ATP8B1: variants seen among roughly 807,000 people sequenced by gnomAD.
The protein encoded by ATP8B1 is ATPase phospholipid transporting 8B1.
Under a neutral mutation model 149.9 loss-of-function variants are expected in ATP8B1, and 80 were observed. The observed-to-expected ratio is 0.53, with a 90% CI of 0.45 to 0.64. The LOEUF (loss-of-function observed/expected upper bound fraction) is 0.64. Among genes scored for constraint, ATP8B1 ranks in the 30% least tolerant of loss-of-function variants. The probability of loss-of-function intolerance (pLI) is 0.00; values close to 1 mark genes in which losing one functional copy is unlikely to be tolerated. For missense variants in ATP8B1, 1,247 were observed against 1,552.6 expected, an observed-to-expected ratio of 0.80 and a Z score of 3.31; for synonymous variants, 536 against 562.8, an observed-to-expected ratio of 0.95 and a Z score of 0.67.
In ATP8B1 at chr18:57,652,718, GTCAC is replaced by G; in HGVS notation, c.3023_3026del (p.Ser1008ThrfsTer3). ...ACCCAGGGAATCGGAGGCTCAGTTT[GTCAC>G]TCACATCCTTAAGGAGAAAACAAAA... On this transcript the variant is annotated frameshift_variant, in exon 25 of 28. Coordinates refer to ENST00000648908, the MANE Select transcript of ATP8B1 (RefSeq NM_001374385.1). LOFTEE classifies it high-confidence loss of function. The G allele has an allele frequency of 6.2e-7, 1 of 1,614,188 alleles. No individual in the cohort carries two copies. Among genetic ancestry groups the G allele is most frequent in the Non-Finnish European group, 8.5e-7 (1 of 1,180,022 alleles).
At chr18:57,701,636 A>C (rs1426496645) in intron 4 of ATP8B1, among the ~76,000 whole-genome samples, 1 of 152,036 alleles carries the variant, frequency 6.6e-6, no homozygotes, top group East Asian at 1.9e-4. Flanking sequence ...TGTGAAAATC[A>C]TATTTAACTG....
intron 1 of ATP8B1, among the ~76,000 whole-genome samples, chr18:57,746,624 T>C (rs148320688): frequency 1.3e-3 from 195 of 151,972 alleles, no homozygotes; most frequent in African/African-American, 4.1e-3. Context: ...TACAGGTCTA[T>C]GTCACCAAGC....
chr18:57,747,349 A>G (rs1438990588), intron 1 of ATP8B1, among the ~76,000 whole-genome samples: 1 of 151,842 alleles, frequency 6.6e-6, no homozygotes, highest in Non-Finnish European at 1.5e-5. Flanking sequence ...GCTACTTGGG[A>G]GGCTAAGGCA....
At chr18:57,729,009 C>T (rs1031775773) in intron 2 of ATP8B1, among the ~76,000 whole-genome samples, 8 of 151,916 alleles carry the variant, frequency 5.3e-5, no homozygotes, top group African/African-American at 7.3e-5. Context: ...CATGAGTCGC[C>T]GCACCCGGCC....
chr18:57,755,566 C>A (rs2080069243), intron 1 of ATP8B1: 1 of 152,160 alleles, frequency 6.6e-6, no homozygotes, highest in Non-Finnish European at 1.5e-5. Context: ...CACATTGACG[C>A]TTAATCAAGT....
chr18:57,782,715 G>A (rs2080367862), intron 1 of ATP8B1, among the ~76,000 whole-genome samples: 1 of 145,376 alleles, frequency 6.9e-6, no homozygotes, highest in Non-Finnish European at 1.5e-5. Flanking sequence ...AAATCTATTT[G>A]TTTGAGCCTT....
chr18:57,742,597 T>G (rs1449502907), intron 1 of ATP8B1, among the ~76,000 whole-genome samples: 1 of 152,080 alleles, frequency 6.6e-6, no homozygotes, highest in Non-Finnish European at 1.5e-5. Flanking sequence ...TTTGGGAAGC[T>G]GAGGCAGGAG....
At chr18:57,742,992 C>T (rs768960623) in intron 1 of ATP8B1, among the ~76,000 whole-genome samples, 2 of 152,132 alleles carry the variant, frequency 1.3e-5, no homozygotes, top group Non-Finnish European at 2.9e-5. Context: ...TCCAGCATTG[C>T]CATGGGCTCA....
chr18:57,648,767 G>A (rs1230839451), intron 27 of ATP8B1, 55 bp from the exon 28 acceptor site: 5 of 1,518,064 alleles, frequency 3.3e-6, no homozygotes, highest in Non-Finnish European at 3.6e-6. Context: ...CAGGGAGGAG[G>A]CCTGGCCAGA....
At chr18:57,703,887 A>G (rs1012882366) in intron 4 of ATP8B1, among the ~76,000 whole-genome samples, 29 of 152,232 alleles carry the variant, frequency 1.9e-4, no homozygotes, top group African/African-American at 7.0e-4. Context: ...GGGGAAATTC[A>G]GCATCTAACT....
In ATP8B1 at chr18:57,695,198, A is replaced by T. The variant is rs150860808; in HGVS notation, c.913T>A (p.Phe305Ile). ...GCAAAAATGACTAAGCCGTGGCAGA[A>T]ATCGGTGTTCCTAATTACACAGCCA... The part of the protein sequence containing the change: ...LRGCVIRNTD[F>I]CHGLVIFAGA... Residue 305 changes from phenylalanine to isoleucine, a missense_variant, in exon 10 of 28, where the codon TTC (phenylalanine) becomes ATC (isoleucine). Phe to Ile is a conservative substitution (Grantham distance 21, BLOSUM62 0). Around this residue, in one of 3 missense-constraint regions of ATP8B1, gnomAD observed 853 missense variants for 1,035.7 expected, o/e 0.82. Coordinates refer to ENST00000648908, the MANE Select transcript of ATP8B1 (RefSeq NM_001374385.1). 1.8e-3 allele frequency: 2,871 copies of T among 1,614,202 alleles called. 8 individuals are homozygous for T. The highest frequency in any genetic ancestry group is 2.1e-3 in the Non-Finnish European group (2,524 of 1,180,034).
intron 1 of ATP8B1, among the ~76,000 whole-genome samples, chr18:57,764,116 T>A (rs1166112629): frequency 6.6e-6 from 1 of 152,140 alleles, no homozygotes; most frequent in Admixed American, 6.5e-5. Flanking sequence ...GCTTTAGCAG[T>A]CTTTTGTATT....
intron 1 of ATP8B1, among the ~76,000 whole-genome samples, chr18:57,777,651 C>T (rs1410642136): frequency 2.6e-5 from 4 of 152,008 alleles, no homozygotes; most frequent in Non-Finnish European, 4.4e-5. Flanking sequence ...TCACTGCAAC[C>T]TCCGCCTCCC....
At chr18:57,690,837 A>G (rs914812343) in intron 12 of ATP8B1, among the ~76,000 whole-genome samples, 13 of 152,294 alleles carry the variant, frequency 8.5e-5, no homozygotes, top group African/African-American at 2.6e-4. Flanking sequence ...CCTCCCAAAA[A>G]GGTCTCAAAG....
rs150242578 is a variant in ATP8B1 at position 57,687,809 on chromosome 18, C to T, written c.1429+490G>A. Among the ~76,000 whole-genome samples the T allele has an allele frequency of 3.5e-4, 38 of 107,482 alleles. 1 individual carries two copies. Among genetic ancestry groups the T allele is most frequent in the Admixed American group, 3.1e-3 (22 of 7,164 alleles). The allele number at this position is 107,482 out of a possible 152,430, so 70.5% of individuals were successfully genotyped here. On this transcript the variant is annotated intron_variant, in intron 13 of 27. Coordinates refer to ENST00000648908, the MANE Select transcript of ATP8B1 (RefSeq NM_001374385.1). ...TTTTTTTTTTTTTTTTAGACAGAGTCTTGCTCTCTCACCAGGCTGGAGTGC... is the reference window on the plus strand; with the variant it reads ...TTTTTTTTTTTTTTTTAGACAGAGTTTTGCTCTCTCACCAGGCTGGAGTGC...
intron 2 of ATP8B1, among the ~76,000 whole-genome samples, chr18:57,717,407 G>T (rs972883417): frequency 6.6e-6 from 1 of 151,214 alleles, no homozygotes; most frequent in Admixed American, 6.6e-5. Flanking sequence ...ACTTAGGTGG[G>T]CACAGTGGCG....
At chr18:57,679,845 A>G (rs1439987898) in intron 15 of ATP8B1, among the ~76,000 whole-genome samples, 1 of 152,070 alleles carries the variant, frequency 6.6e-6, no homozygotes, top group East Asian at 1.9e-4. Flanking sequence ...TTGTATGTTT[A>G]GTAGAGGTGG....
intron 1 of ATP8B1, 128 bp from the exon 2 acceptor site, chr18:57,731,960 A>C: frequency 1.1e-6 from 1 of 894,478 alleles, no homozygotes. Flanking sequence ...CTGGAATAGT[A>C]CCCCCAAATT....
chr18:57,664,868 C>A (rs1910756758), intron 20 of ATP8B1, among the ~76,000 whole-genome samples: 1 of 152,176 alleles, frequency 6.6e-6, no homozygotes, highest in Admixed American at 6.6e-5. Context: ...TAACTTCTGG[C>A]TCAGGACTCT....
Sources: gnomAD v4.1 joint callset for allele counts (sites outside exome capture counted in the v4.1 genomes callset) on GRCh38, gnomAD v4.1.1 for gene constraint, gnomAD v4.1.1 regional missense constraint, MANE v1.5 for transcripts, NCBI Gene and HGNC (gene_info 2026-07-23, HGNC 2026-07-21) for gene names.